NKAIN3: variants seen among roughly 807,000 people sequenced by gnomAD.
NKAIN3 encodes sodium/potassium-transporting ATPase subunit beta-1-interacting protein 3.
In NKAIN3, 25 loss-of-function variants were observed where a neutral mutation model predicts 30.2. The observed-to-expected ratio is 0.83, with a 90% CI of 0.60 to 1.16. The LOEUF (loss-of-function observed/expected upper bound fraction) is 1.16. Ranked by LOEUF, NKAIN3 falls within the 50% of genes most tolerant of loss-of-function variation. The probability of loss-of-function intolerance (pLI) is 0.00; values close to 1 mark genes in which losing one functional copy is unlikely to be tolerated. For synonymous variants in NKAIN3, 91 were observed against 89.6 expected, an observed-to-expected ratio of 1.02 and a Z score of -0.09; for missense variants, 225 against 254.1, an observed-to-expected ratio of 0.89 and a Z score of 0.78.
At chr8:62,394,182 A>C (rs1300525240) in intron 1 of NKAIN3, among the ~76,000 whole-genome samples, 6 of 152,092 alleles carry the variant, frequency 3.9e-5, no homozygotes, top group Admixed American at 1.3e-4. Context: ...ATATGAAGTT[A>C]GTTTTACATT....
chr8:62,856,432 G>T (rs1820061685), intron 4 of NKAIN3: 6 of 790,686 alleles, frequency 7.6e-6, no homozygotes, highest in Non-Finnish European at 1.4e-5. Context: ...TGCTATGCTG[G>T]TGATATCTCT....
In NKAIN3 at chr8:62,966,802, A is replaced by G. The variant is rs756255129; in HGVS notation, c.*1395A>G. 1.3e-5 allele frequency among the ~76,000 whole-genome samples: 2 copies of G among 152,226 alleles called. No individual in the cohort carries two copies. Among genetic ancestry groups the G allele is most frequent in the Non-Finnish European group, 2.9e-5 (2 of 68,046 alleles). Reference sequence around the variant, plus strand: ...GAAAGTTGTGAATATGTGGTTATTAACTCAGCCCATGCATCTCTAAGAAGT... The same window carrying G: ...GAAAGTTGTGAATATGTGGTTATTAGCTCAGCCCATGCATCTCTAAGAAGT... On this transcript the variant is annotated 3_prime_UTR_variant, in exon 7 of 7. Transcript: ENST00000623646.
chr8:62,483,736 A>G (rs1806808565), intron 1 of NKAIN3: 2 of 307,080 alleles, frequency 6.5e-6, no homozygotes, highest in Non-Finnish European at 1.3e-5. Flanking sequence ...TTCAACCTGG[A>G]TGTTGCGGGA....
At chr8:62,408,505 A>G (rs1804145027) in intron 1 of NKAIN3, among the ~76,000 whole-genome samples, 2 of 152,312 alleles carry the variant, frequency 1.3e-5, no homozygotes, top group East Asian at 1.9e-4. Flanking sequence ...AAAAATAAAC[A>G]TGTTTCTTAT....
intron 3 of NKAIN3, among the ~76,000 whole-genome samples, chr8:62,613,935 A>AT (rs1811366914): frequency 6.6e-6 from 1 of 151,950 alleles, no homozygotes; most frequent in Non-Finnish European, 1.5e-5. Flanking sequence ...ATTATCTTGA[A>AT]TTTCTTTGAG....
chr8:62,645,765 C>A (rs1812441289), intron 3 of NKAIN3, among the ~76,000 whole-genome samples: 1 of 152,120 alleles, frequency 6.6e-6, no homozygotes, highest in African/African-American at 2.4e-5. Flanking sequence ...TCATCCTCAG[C>A]TACTGCTCTT....
intron 4 of NKAIN3, among the ~76,000 whole-genome samples, chr8:62,798,531 CACT>C (rs1181538342): frequency 6.6e-6 from 1 of 151,828 alleles, no homozygotes; most frequent in East Asian, 1.9e-4. Context: ...GAGATTGCAC[CACT>C]GCACTCCAGC....
rs1373702426 is a variant in NKAIN3 at position 62,386,860 on chromosome 8, T to C, written c.54+137733T>C. Among the ~76,000 whole-genome samples the C allele has an allele frequency of 7.3e-5, 11 of 151,724 alleles. No individual in the cohort carries two copies. The South Asian group carries it at 1.9e-3, about 26-fold the overall frequency. Reference sequence around the variant, plus strand: ...ACACAGCTGATGCAACTGACCCCCATGTTATTGTGAGGACCCAGTGAAATA... The same window carrying C: ...ACACAGCTGATGCAACTGACCCCCACGTTATTGTGAGGACCCAGTGAAATA... On this transcript the variant is annotated intron_variant, in intron 1 of 6. Transcript: ENST00000623646.
At chr8:62,485,889 T>C (rs1806884589) in intron 1 of NKAIN3, among the ~76,000 whole-genome samples, 1 of 152,142 alleles carries the variant, frequency 6.6e-6, no homozygotes, top group African/African-American at 2.4e-5. Flanking sequence ...AGATTGACAG[T>C]GCATAAACTG....
chr8:62,607,569 C>T (rs1431812703), intron 3 of NKAIN3, among the ~76,000 whole-genome samples: 2 of 152,056 alleles, frequency 1.3e-5, no homozygotes, highest in Non-Finnish European at 2.9e-5. Flanking sequence ...CATCCTGCAC[C>T]AGGAATTTAC....
At chr8:62,712,764 T>TTATTACAAAGCTCAACTAGAGATTTCC (rs1814763738) in intron 3 of NKAIN3, among the ~76,000 whole-genome samples, 1 of 152,146 alleles carries the variant, frequency 6.6e-6, no homozygotes, top group Admixed American at 6.5e-5. Context: ...CCCATTCAAA[T>TTATTACAAAGCTCAACTAGAGATTTCC]TATTACAAAG....
chr8:62,597,379 G>A (rs1455892907), intron 3 of NKAIN3, among the ~76,000 whole-genome samples: 1 of 151,970 alleles, frequency 6.6e-6, no homozygotes, highest in Non-Finnish European at 1.5e-5. Flanking sequence ...GCTTTTCATG[G>A]TGAAAAGAAA....
At chr8:62,332,076 A>G (rs938277589) in intron 1 of NKAIN3, among the ~76,000 whole-genome samples, 1 of 152,140 alleles carries the variant, frequency 6.6e-6, no homozygotes, top group Non-Finnish European at 1.5e-5. Flanking sequence ...ACCTGTCTGC[A>G]TGCCAGCTGA....
intron 3 of NKAIN3, among the ~76,000 whole-genome samples, chr8:62,597,058 A>G (rs1810857238): frequency 6.6e-6 from 1 of 152,074 alleles, no homozygotes; most frequent in South Asian, 2.1e-4. Flanking sequence ...TGATACTAAG[A>G]CTGCTACTGC....
chr8:62,869,271 C>G (rs1222427849), intron 4 of NKAIN3, among the ~76,000 whole-genome samples: 3 of 152,168 alleles, frequency 2.0e-5, no homozygotes, highest in African/African-American at 7.2e-5. Context: ...GCTTTAAGCC[C>G]AGCATGCATT....
intron 4 of NKAIN3, among the ~76,000 whole-genome samples, chr8:62,753,587 T>A (rs1816355003): frequency 6.6e-6 from 1 of 152,108 alleles, no homozygotes; most frequent in Admixed American, 6.5e-5. Flanking sequence ...TAAAATATAA[T>A]TATTGATACT....
At position 62,686,850 on chromosome 8, in the gene NKAIN3, A is replaced by G. The variant is rs985340349; in HGVS notation, c.274-60082A>G. On this transcript the variant is annotated intron_variant, in intron 3 of 6. Coordinates refer to ENST00000623646, the MANE Select transcript of NKAIN3 (RefSeq NM_001304533.3). Reference sequence around the variant, plus strand: ...ATATATTAAGTAAACAACCACATGCATATGGGTTAATTACTTAGCACAAAA... The same window carrying G: ...ATATATTAAGTAAACAACCACATGCGTATGGGTTAATTACTTAGCACAAAA... Among the ~76,000 whole-genome samples the G allele has an allele frequency of 6.6e-5, 10 of 152,212 alleles. No homozygotes were observed. The South Asian group carries it at 8.3e-4, about 13-fold the overall frequency.
chr8:62,576,599 T>C (rs1265669743), intron 1 of NKAIN3, among the ~76,000 whole-genome samples: 1 of 152,152 alleles, frequency 6.6e-6, no homozygotes, highest in Non-Finnish European at 1.5e-5. Context: ...CAGGTAAAAA[T>C]TTAACATAGG....
At chr8:62,255,709 A>G (rs1812241369) in intron 1 of NKAIN3, among the ~76,000 whole-genome samples, 1 of 152,186 alleles carries the variant, frequency 6.6e-6, no homozygotes, top group Non-Finnish European at 1.5e-5. Context: ...ATGTCATGGC[A>G]GGAATAATTA....
Sources: gnomAD v4.1 joint callset for allele counts (sites outside exome capture counted in the v4.1 genomes callset) on GRCh38, gnomAD v4.1.1 for gene constraint, MANE v1.5 for transcripts, NCBI Gene and HGNC (gene_info 2026-07-23, HGNC 2026-07-21) for gene names.